LIFR: variants seen among roughly 807,000 people sequenced by gnomAD.
LIFR encodes LIF receptor subunit alpha, also known as leukemia inhibitory factor receptor.
LIFR carries 84 observed loss-of-function variants against 122.2 expected under a neutral mutation model. The observed-to-expected ratio is 0.69, with a 90% CI of 0.58 to 0.82. The LOEUF is 0.82. Ranked by LOEUF, LIFR falls within the 40% of genes least tolerant of loss-of-function variation. The pLI is 0.00. For synonymous variants in LIFR, 422 were observed against 434.7 expected (o/e 0.97, Z 0.36); for missense variants, 1,294 against 1,311.6 (o/e 0.99, Z 0.21).
chr5:38,558,107 A>G (rs2112683359), upstream of LIFR: 1 of 152,220 alleles, frequency 6.6e-6, no homozygotes, highest in East Asian at 1.9e-4. Flanking sequence ...CAGAAGGAAA[A>G]AAAATTTAGG....
intron 7 of LIFR, among the ~76,000 whole-genome samples, chr5:38,510,124 A>T (rs1361242793): frequency 6.6e-6 from 1 of 152,234 alleles, no homozygotes; most frequent in Non-Finnish European, 1.5e-5. Flanking sequence ...AAATGAATTC[A>T]CATAATTTCT....
chr5:38,546,011 G>A (rs1747871214), intron 1 of LIFR, among the ~76,000 whole-genome samples: 1 of 151,664 alleles, frequency 6.6e-6, no homozygotes, highest in Non-Finnish European at 1.5e-5. Flanking sequence ...TGTATCAAAA[G>A]TCTTAAAGAT....
At chr5:38,506,139 A>G (rs1398809619) in intron 8 of LIFR, 65 bp from the exon 9 acceptor site, 17 of 1,063,202 alleles carry the variant, frequency 1.6e-5, no homozygotes, top group Non-Finnish European at 2.3e-5. Context: ...AAAAACGGGC[A>G]AATTCGTAAT....
intron 1 of LIFR, among the ~76,000 whole-genome samples, chr5:38,545,673 T>C (rs1172450478): frequency 2.6e-5 from 4 of 151,818 alleles, no homozygotes; most frequent in East Asian, 1.9e-4. Flanking sequence ...CCATCCTGGC[T>C]AACACAGTGA....
Position 38,528,752 on chromosome 5 carries a change from A to C in LIFR, c.231T>G (p.Thr77=). Residue 77 remains threonine, a synonymous_variant, in exon 3 of 20, where the codon ACT becomes ACG. Coordinates refer to ENST00000453190, the MANE Select transcript of LIFR (RefSeq NM_001127671.2). ...TGTTTTCAATGCAAACTTCATAATCAGTACCACGGCCTGTTCCAGAGGGTG... is the reference window on the plus strand; with the variant it reads ...TGTTTTCAATGCAAACTTCATAATCCGTACCACGGCCTGTTCCAGAGGGTG... ...WKAPSGTGRG[T]DYEVCIENRS... is the part of the protein sequence containing the mutation. 6.3e-7 allele frequency: 1 copy of C among 1,593,550 alleles called. No individual in the cohort carries two copies. The highest frequency in any genetic ancestry group is 1.1e-5 in the South Asian group (1 of 88,000).
chr5:38,590,775 G>A (rs1749897353), intron 1 of LIFR, among the ~76,000 whole-genome samples: 1 of 152,094 alleles, frequency 6.6e-6, no homozygotes, highest in African/African-American at 2.4e-5. Flanking sequence ...TAGAAAGCAG[G>A]AACTAAGACA....
intron 1 of LIFR, among the ~76,000 whole-genome samples, chr5:38,569,306 C>T (rs987015823): frequency 6.6e-6 from 1 of 152,178 alleles, no homozygotes; most frequent in East Asian, 1.9e-4. Context: ...TGAGACTCTT[C>T]AAGAGCCAGA....
intron 11 of LIFR, among the ~76,000 whole-genome samples, chr5:38,501,145 A>G (rs546678065): frequency 1.8e-4 from 27 of 152,350 alleles, no homozygotes; most frequent in Non-Finnish European, 2.8e-4. Context: ...ACCCATAGAA[A>G]TGGGAAGATC....
intron 12 of LIFR, among the ~76,000 whole-genome samples, chr5:38,498,454 T>G (rs1440000849): frequency 1.3e-5 from 2 of 152,236 alleles, no homozygotes; most frequent in East Asian, 3.9e-4. Flanking sequence ...ACCTCTCCCC[T>G]GAGCTCCAGA....
intron 1 of LIFR, among the ~76,000 whole-genome samples, chr5:38,577,467 C>T (rs1045252953): frequency 1.3e-5 from 2 of 152,290 alleles, no homozygotes; most frequent in South Asian, 4.1e-4. Flanking sequence ...TTTTCCCACA[C>T]TGTCCAGATA....
At chr5:38,516,404 C>T (rs530460029) in intron 5 of LIFR, among the ~76,000 whole-genome samples, 8 of 152,206 alleles carry the variant, frequency 5.3e-5, no homozygotes, top group Middle Eastern at 3.4e-3. Flanking sequence ...AGCGGGCAAA[C>T]GATATGCACA....
intron 2 of LIFR, among the ~76,000 whole-genome samples, chr5:38,601,756 T>C (rs931974210): frequency 3.3e-5 from 5 of 152,192 alleles, no homozygotes; most frequent in African/African-American, 1.2e-4. Context: ...TCCCATGGCT[T>C]GAGATACTAT....
intron 16 of LIFR, among the ~76,000 whole-genome samples, chr5:38,486,983 AT>A (rs1221767447): frequency 2.6e-5 from 4 of 151,910 alleles, no homozygotes; most frequent in South Asian, 2.1e-4. Context: ...CATTTGCTTG[AT>A]TTTCTACATA....
intron 1 of LIFR, chr5:38,554,949 C>T (rs959050271): frequency 2.6e-5 from 4 of 152,098 alleles, no homozygotes; most frequent in African/African-American, 7.2e-5. Context: ...TTCTCATTCC[C>T]CAGAAGAGAA....
At chr5:38,605,483 G>T (rs1750309643) in intron 2 of LIFR, among the ~76,000 whole-genome samples, 1 of 152,114 alleles carries the variant, frequency 6.6e-6, no homozygotes, top group Non-Finnish European at 1.5e-5. Context: ...AATTAAATGA[G>T]TTGCTATTCA....
intron 1 of LIFR, among the ~76,000 whole-genome samples, chr5:38,567,339 T>A (rs1341073905): frequency 2.6e-5 from 4 of 152,086 alleles, no homozygotes; most frequent in Non-Finnish European, 5.9e-5. Context: ...AGCCTGAACC[T>A]CTGGACATTG....
At chr5:38,525,627 T>C (rs971172639) in intron 4 of LIFR, among the ~76,000 whole-genome samples, 2 of 152,144 alleles carry the variant, frequency 1.3e-5, no homozygotes, top group African/African-American at 4.8e-5. Context: ...AAGTCAACAG[T>C]TACACAGCTG....
chr5:38,577,384 C>T (rs924467523), intron 1 of LIFR, among the ~76,000 whole-genome samples: 1 of 152,222 alleles, frequency 6.6e-6, no homozygotes, highest in Admixed American at 6.5e-5. Context: ...CTACCCAGCT[C>T]TCAGGACTTC....
chr5:38,583,215 A>G (rs762930344), intron 1 of LIFR, among the ~76,000 whole-genome samples: 59 of 152,240 alleles, frequency 3.9e-4, no homozygotes, highest in Admixed American at 2.9e-3. Context: ...GGTACAACTT[A>G]TAACACTTTT....
Sources: allele counts gnomAD v4.1 joint callset (sites outside exome capture counted in the v4.1 genomes callset), GRCh38; gene constraint gnomAD v4.1.1; transcripts MANE v1.5; gene names NCBI Gene and HGNC (gene_info 2026-07-23, HGNC 2026-07-21).